CDC14B: variants seen among roughly 807,000 people sequenced by gnomAD.
CDC14B encodes cell division cycle 14B, also known as dual specificity protein phosphatase CDC14B.
Under a neutral mutation model 64.2 loss-of-function variants are expected in CDC14B, and 22 were observed. The observed-to-expected ratio is 0.34, with a 90% confidence interval of 0.24 to 0.49. The LOEUF (loss-of-function observed/expected upper bound fraction) is 0.49. Ranked by LOEUF, CDC14B falls within the 20% of genes least tolerant of loss-of-function variation. The pLI is 0.99. For synonymous variants in CDC14B, 191 were observed against 215.8 expected (o/e 0.89, Z 1.01); for missense variants, 498 against 629.9 (o/e 0.79, Z 2.24).
intron 4 of CDC14B, among the ~76,000 whole-genome samples, chr9:96,560,506 C>G (rs1843001559): frequency 6.6e-6 from 1 of 151,994 alleles, no homozygotes; most frequent in South Asian, 2.1e-4. Context: ...AGTAATAGGA[C>G]CAAATGTCCC....
At chr9:96,596,648 C>T (rs1279500162) in intron 1 of CDC14B, among the ~76,000 whole-genome samples, 1 of 151,864 alleles carries the variant, frequency 6.6e-6, no homozygotes, top group Non-Finnish European at 1.5e-5. Flanking sequence ...ATTGCTTGGG[C>T]CCGGAAGTTG....
At chr9:96,508,304 C>T (rs1209133184) in intron 13 of CDC14B, among the ~76,000 whole-genome samples, 11 of 152,194 alleles carry the variant, frequency 7.2e-5, no homozygotes, top group Admixed American at 7.2e-4. Flanking sequence ...GCGCGAGCCA[C>T]CGCACCCGGC....
chr9:96,534,196 A>G, intron 8 of CDC14B, 39 bp from the exon 9 acceptor site: 1 of 1,278,972 alleles, frequency 7.8e-7, no homozygotes, highest in Admixed American at 2.1e-5. Flanking sequence ...AAAACACATA[A>G]AGAAAACAAT....
intron 1 of CDC14B, among the ~76,000 whole-genome samples, chr9:96,610,060 T>G (rs774823538): frequency 6.6e-6 from 1 of 151,800 alleles, no homozygotes; most frequent in African/African-American, 2.4e-5. Context: ...ACCAAGAGAT[T>G]AAAGTTAGAA....
chr9:96,560,067 A>G lies in CDC14B; in HGVS notation c.420+2626T>C, dbSNP rs147408348. ...TTTCTTATTTATAAACTTATCACAC[A>G]TTCTGTTTCTGTTTTTAAGACAACC... On this transcript the variant is annotated intron_variant, in intron 4 of 13. Coordinates refer to ENST00000375241, the MANE Select transcript of CDC14B (RefSeq NM_033331.4). Among the ~76,000 whole-genome samples the G allele has an allele frequency of 8.9e-3, 1,356 of 151,720 alleles. 17 individuals carry two copies. The highest frequency in any genetic ancestry group is 0.031 in the African/African-American group (1,270 of 40,994).
At chr9:96,496,446 C>T (rs750832438), downstream of CDC14B, 15 of 443,890 alleles carry the variant, frequency 3.4e-5, no homozygotes, top group Admixed American at 7.3e-5. Context: ...TTTGTGTGGA[C>T]GGCAAGGACT....
intron 7 of CDC14B, among the ~76,000 whole-genome samples, chr9:96,536,396 T>C (rs1422058192): frequency 1.3e-5 from 2 of 152,218 alleles, no homozygotes; most frequent in Non-Finnish European, 2.9e-5. Context: ...TTTGCTTACA[T>C]AGACAAAGTA....
chr9:96,500,315 CT>C lies in CDC14B; in HGVS notation c.*3437del, dbSNP rs1338387183. On this transcript the variant is annotated 3_prime_UTR_variant, in exon 14 of 14. Transcript: ENST00000375241. ...AATAAACATTCATTCAACCAGTTCT[CT>C]TGGCTTTAAAAAATATGATTAGAAA... 1.3e-5 allele frequency: 2 copies of C among 152,446 alleles called. No homozygotes were observed. The highest frequency in any genetic ancestry group is 2.9e-5 in the Non-Finnish European group (2 of 68,030). 9.4% of individuals were successfully genotyped at this position (152,446 alleles called of 1,614,324 possible). A position where few individuals can be genotyped will look rare whatever the true frequency, so the allele number is the denominator to read the frequency against.
intron 7 of CDC14B, among the ~76,000 whole-genome samples, chr9:96,537,698 G>A (rs571371187): frequency 6.6e-6 from 1 of 152,232 alleles, no homozygotes; most frequent in East Asian, 1.9e-4. Flanking sequence ...CCTATTCCTG[G>A]ACTTTTAATT....
chr9:96,589,761 A>T, intron 1 of CDC14B, among the ~76,000 whole-genome samples: 1 of 152,080 alleles, frequency 6.6e-6, no homozygotes, highest in Non-Finnish European at 1.5e-5. Flanking sequence ...GATCGAGACC[A>T]TCCTGGTTAA....
At chr9:96,531,323 G>GGTCT (rs1415810360) in intron 9 of CDC14B, among the ~76,000 whole-genome samples, 2 of 151,896 alleles carry the variant, frequency 1.3e-5, no homozygotes, top group Non-Finnish European at 2.9e-5. Context: ...ATTAGTTAGG[G>GGTCT]GTCTGTTCAG....
At chr9:96,494,352 T>C (rs373357259) in intron 13 of CDC14B, among the ~76,000 whole-genome samples, 1 of 152,256 alleles carries the variant, frequency 6.6e-6, no homozygotes, top group East Asian at 1.9e-4. Context: ...TCAGCCACTC[T>C]GAGCCATGTG....
chr9:96,524,988 G>A (rs1837340622), intron 9 of CDC14B, among the ~76,000 whole-genome samples: 1 of 152,164 alleles, frequency 6.6e-6, no homozygotes, highest in South Asian at 2.1e-4. Flanking sequence ...TTTAGCAGGG[G>A]AGATTTGTAA....
At position 96,592,796 on chromosome 9, in the gene CDC14B, G is replaced by A. The variant is rs138745156; in HGVS notation, c.160+26423C>T. ...TCAAAAAACAAAAACAAAAAAACAG[G>A]TTGCTAAACAAGGACATTAATAAAG... is the stretch of plus-strand genomic sequence containing the variant. On this transcript the variant is annotated intron_variant, in intron 1 of 13. Transcript: ENST00000375241. Among the ~76,000 whole-genome samples the A allele has an allele frequency of 2.9e-3, 438 of 151,928 alleles. 2 individuals are homozygous for A. The highest frequency in any genetic ancestry group is 7.5e-3 in the Admixed American group (115 of 15,246).
Position 96,503,249 on chromosome 9 carries a change from C to A in CDC14B, c.*504G>T. 1 of 227,674 alleles carries A rather than the reference C, an allele frequency of 4.4e-6. No homozygotes were observed. The highest frequency in any genetic ancestry group is 8.4e-6 in the Non-Finnish European group (1 of 118,366). The allele number at this position is 227,674 out of a possible 1,614,324, so 14.1% of individuals were successfully genotyped here. On this transcript the variant is annotated 3_prime_UTR_variant, in exon 14 of 14. Transcript: ENST00000375241. The stretch of plus-strand genomic sequence containing the variant: ...CAGAGTTAACATTACAACAGTATTA[C>A]AAATAGTCAAGTGAAGATGATTAAG...
chr9:96,555,308 G>C (rs1041714984), intron 4 of CDC14B, among the ~76,000 whole-genome samples: 60 of 152,282 alleles, frequency 3.9e-4, no homozygotes, highest in African/African-American at 1.1e-3. Flanking sequence ...CTGTTATTTT[G>C]GGAGGATACT....
intron 5 of CDC14B, among the ~76,000 whole-genome samples, chr9:96,550,946 A>C (rs1156867037): frequency 6.6e-6 from 1 of 152,016 alleles, no homozygotes; most frequent in Non-Finnish European, 1.5e-5. Flanking sequence ...GACTGTCTCT[A>C]CTGACTGTGT....
chr9:96,595,854 A>C (rs1321411981), intron 1 of CDC14B, among the ~76,000 whole-genome samples: 2 of 152,168 alleles, frequency 1.3e-5, no homozygotes, highest in Admixed American at 1.3e-4. Context: ...TTTTGAGGGG[A>C]TAATGAAAAT....
At chr9:96,616,330 A>T (rs564513389) in intron 1 of CDC14B, among the ~76,000 whole-genome samples, 27 of 152,200 alleles carry the variant, frequency 1.8e-4, no homozygotes, top group Non-Finnish European at 2.8e-4. Context: ...GTCTCAAAAA[A>T]AAAGAGAACT....
Sources: gnomAD v4.1 joint callset for allele counts (sites outside exome capture counted in the v4.1 genomes callset) on GRCh38, gnomAD v4.1.1 for gene constraint, MANE v1.5 for transcripts, NCBI Gene and HGNC (gene_info 2026-07-23, HGNC 2026-07-21) for gene names.